CNTNAP4: variants seen among roughly 807,000 people sequenced by gnomAD.
CNTNAP4 encodes contactin-associated protein-like 4.
In CNTNAP4, 98 loss-of-function variants were observed where a neutral mutation model predicts 148.4. That is an observed-to-expected ratio of 0.66 (90% CI 0.56 to 0.78). CNTNAP4 has a LOEUF of 0.78. Among genes scored for constraint, CNTNAP4 ranks in the 30% least tolerant of loss-of-function variants. The pLI, the probability that CNTNAP4 is intolerant of heterozygous loss-of-function variation, is 0.00. For missense variants in CNTNAP4, 1,935 were observed against 1,565.6 expected, an observed-to-expected ratio of 1.24 and a Z score of -3.98; for synonymous variants, 730 against 565.1, an observed-to-expected ratio of 1.29 and a Z score of -4.14.
At chr16:76,474,936 GTTAC>G (rs1007522637) in intron 10 of CNTNAP4, among the ~76,000 whole-genome samples, 2 of 152,138 alleles carry the variant, frequency 1.3e-5, no homozygotes, top group Non-Finnish European at 2.9e-5. Context: ...ATTAAACACA[GTTAC>G]TTAGTATTTG....
At chr16:76,434,017 A>ATG (rs1482609201) in intron 4 of CNTNAP4, among the ~76,000 whole-genome samples, 30 of 151,202 alleles carry the variant, frequency 2.0e-4, no homozygotes, top group Non-Finnish European at 3.7e-4. Context: ...ACTAATATAT[A>ATG]TATGTGTGTG....
rs1202806891 is a variant in CNTNAP4 at position 76,370,124 on chromosome 16, G to A, written c.390+14613G>A. On this transcript the variant is annotated intron_variant, in intron 3 of 23. Transcript: ENST00000611870. ...AATAGCTATCTCCTACTTGTTATAC[G>A]ATAATATCTGGTAACATTTACTGAT... 7.9e-5 allele frequency among the ~76,000 whole-genome samples: 12 copies of A among 152,054 alleles called. 1 individual carries two copies. The highest frequency in any genetic ancestry group is 1.9e-4 in the East Asian group (1 of 5,182).
intron 2 of CNTNAP4, among the ~76,000 whole-genome samples, chr16:76,334,202 T>A (rs917103805): frequency 4.8e-5 from 7 of 146,840 alleles, no homozygotes; most frequent in East Asian, 1.9e-4. Flanking sequence ...ATAATAATAA[T>A]AAACAGCCTA....
At chr16:76,316,544 T>G in intron 2 of CNTNAP4, 21 bp downstream of exon 2, 5 of 1,460,646 alleles carry the variant, frequency 3.4e-6, no homozygotes, top group Non-Finnish European at 4.8e-6. Context: ...TTTTCTCCTC[T>G]GACTGGCCCA....
At chr16:76,413,196 T>C (rs1049162985) in intron 3 of CNTNAP4, among the ~76,000 whole-genome samples, 2 of 151,346 alleles carry the variant, frequency 1.3e-5, no homozygotes, top group African/African-American at 4.8e-5. Flanking sequence ...TAATAGGTCT[T>C]AGTCATTCTT....
In CNTNAP4 at chr16:76,559,773, T is replaced by C. The variant is rs1014932653; in HGVS notation, c.*1090T>C. On this transcript the variant is annotated 3_prime_UTR_variant, in exon 24 of 24. Coordinates refer to ENST00000611870, the MANE Select transcript of CNTNAP4 (RefSeq NM_033401.5). ...GAGCCCCATTTCCCATTCTGAAACA[T>C]ATACCCCTTTAGGTGTACATTTTGC... 3.3e-5 allele frequency among the ~76,000 whole-genome samples: 5 copies of C among 152,136 alleles called. No individual in the cohort carries two copies. The highest frequency in any genetic ancestry group is 1.2e-4 in the African/African-American group (5 of 41,420).
intron 3 of CNTNAP4, among the ~76,000 whole-genome samples, chr16:76,356,541 G>A (rs1394914153): frequency 6.6e-6 from 1 of 152,178 alleles, no homozygotes; most frequent in Non-Finnish European, 1.5e-5. Flanking sequence ...GAACCTAAAG[G>A]ATGTTTGTTT....
At chr16:76,463,134 G>A (rs1308157030) in intron 9 of CNTNAP4, among the ~76,000 whole-genome samples, 1 of 152,102 alleles carries the variant, frequency 6.6e-6, no homozygotes, top group Non-Finnish European at 1.5e-5. Context: ...TTTAAACCGG[G>A]CTGCTTATAA....
rs760873413 is a variant in CNTNAP4, at chr16:76,448,911, A to C, written c.887A>C (p.His296Pro). The C allele has an allele frequency of 1.2e-5, 20 of 1,613,832 alleles. No homozygotes were observed. The Admixed American group carries it at 3.3e-4, about 27-fold the overall frequency. The change falls in exon 6 of 24, where the codon CAT (histidine) becomes CCT (proline). Residue 296 changes from histidine to proline, a missense_variant. By Grantham distance (77) the His-to-Pro change is moderately conservative (BLOSUM62 -2). Coordinates refer to ENST00000611870, the MANE Select transcript of CNTNAP4 (RefSeq NM_033401.5). ...FTVDEHRHHFHARGEFNLMNL... is the reference protein window; with the variant it reads ...FTVDEHRHHFPARGEFNLMNL... ...GTGGACGAACACAGGCATCATTTCC[A>C]TGCACGGGGAGAATTCAATCTCATG...
intron 4 of CNTNAP4, among the ~76,000 whole-genome samples, chr16:76,435,917 A>C: frequency 6.6e-6 from 1 of 152,046 alleles, no homozygotes; most frequent in East Asian, 1.9e-4. Context: ...CCATTATCCC[A>C]CACCCTTAAT....
intron 4 of CNTNAP4, among the ~76,000 whole-genome samples, chr16:76,429,058 G>A (rs1204755468): frequency 6.6e-6 from 1 of 152,160 alleles, no homozygotes; most frequent in Admixed American, 6.6e-5. Flanking sequence ...TTGAATAACA[G>A]AGATGAGTCA....
intron 15 of CNTNAP4, among the ~76,000 whole-genome samples, chr16:76,502,954 G>C (rs2082709679): frequency 6.6e-6 from 1 of 152,092 alleles, no homozygotes; most frequent in Admixed American, 6.5e-5. Context: ...CATGACTGTT[G>C]GACCTACTAG....
At chr16:76,527,067 C>T (rs1034323669) in intron 17 of CNTNAP4, among the ~76,000 whole-genome samples, 1 of 152,064 alleles carries the variant, frequency 6.6e-6, no homozygotes, top group Admixed American at 6.6e-5. Context: ...CTCCACAATC[C>T]AAATTATATA....
intron 15 of CNTNAP4, among the ~76,000 whole-genome samples, chr16:76,518,095 T>A (rs2144071856): frequency 6.6e-6 from 1 of 152,170 alleles, no homozygotes; most frequent in Non-Finnish European, 1.5e-5. Context: ...TCTGGTAAGA[T>A]AAAAGGTAGG....
At chr16:76,459,729 C>T (rs779812988) in intron 8 of CNTNAP4, among the ~76,000 whole-genome samples, 31 of 152,008 alleles carry the variant, frequency 2.0e-4, no homozygotes, top group Non-Finnish European at 2.6e-4. Context: ...TTTTTTGTTT[C>T]TTAATTTGAT....
At chr16:76,380,982 G>A (rs933999937) in intron 3 of CNTNAP4, among the ~76,000 whole-genome samples, 6 of 152,074 alleles carry the variant, frequency 3.9e-5, no homozygotes, top group Non-Finnish European at 5.9e-5. Flanking sequence ...TTAGTCTTTC[G>A]TATTCTCCTT....
chr16:76,537,083 A>G (rs1490734973), intron 18 of CNTNAP4, among the ~76,000 whole-genome samples: 1 of 152,176 alleles, frequency 6.6e-6, no homozygotes, highest in Non-Finnish European at 1.5e-5. Context: ...TGCTGGTACC[A>G]TTCTAGGACA....
chr16:76,416,316 A>G (rs1281891050), intron 3 of CNTNAP4, among the ~76,000 whole-genome samples: 1 of 151,274 alleles, frequency 6.6e-6, no homozygotes, highest in African/African-American at 2.4e-5. Flanking sequence ...TTAGGCTTCA[A>G]TTCTAAATTC....
At chr16:76,339,103 A>C (rs1419716700) in intron 2 of CNTNAP4, among the ~76,000 whole-genome samples, 1 of 152,136 alleles carries the variant, frequency 6.6e-6, no homozygotes. Context: ...CTAGTCCTAA[A>C]AGCTGTAATC....
Sources: allele counts gnomAD v4.1 joint callset (sites outside exome capture counted in the v4.1 genomes callset), GRCh38; gene constraint gnomAD v4.1.1; transcripts MANE v1.5; gene names NCBI Gene and HGNC (gene_info 2026-07-23, HGNC 2026-07-21).